The following STIM1 variants were observed in gnomAD, a reference collection of about 807,000 sequenced individuals.
The protein encoded by STIM1 is stromal interaction molecule 1.
STIM1 carries 25 observed loss-of-function variants against 74.7 expected under a neutral mutation model. That is an observed-to-expected ratio of 0.33 (90% CI 0.24 to 0.47). The LOEUF (loss-of-function observed/expected upper bound fraction) is 0.47. STIM1 is among the 20% of genes least tolerant of loss of function. The pLI, the probability that STIM1 is intolerant of heterozygous loss-of-function variation, is 1.00. For synonymous variants in STIM1, 328 were observed against 348.8 expected, an observed-to-expected ratio of 0.94 and a Z score of 0.66; for missense variants, 728 against 920.8, an observed-to-expected ratio of 0.79 and a Z score of 2.71.
At chr11:4,066,356 T>A (rs968333667) in intron 5 of STIM1, among the ~76,000 whole-genome samples, 1 of 152,212 alleles carries the variant, frequency 6.6e-6, no homozygotes, top group Non-Finnish European at 1.5e-5. Flanking sequence ...GCATTTGCCC[T>A]CTATATGCAC....
intron 1 of STIM1, among the ~76,000 whole-genome samples, chr11:3,957,847 G>A (rs1208493714): frequency 1.3e-5 from 2 of 151,980 alleles, no homozygotes; most frequent in Non-Finnish European, 2.9e-5. Context: ...TTACAGGCAT[G>A]AGCCATCAAG....
intron 1 of STIM1, among the ~76,000 whole-genome samples, chr11:3,964,191 C>T: frequency 6.6e-6 from 1 of 152,160 alleles, no homozygotes; most frequent in East Asian, 1.9e-4. Flanking sequence ...CAGGCTTTTT[C>T]ACTGTAGTTA....
At chr11:3,878,192 A>G (rs1472489935) in intron 1 of STIM1, among the ~76,000 whole-genome samples, 1 of 151,992 alleles carries the variant, frequency 6.6e-6, no homozygotes, top group African/African-American at 2.4e-5. Context: ...TGGTCTGGGG[A>G]GAAGGGAAAG....
intron 1 of STIM1, among the ~76,000 whole-genome samples, chr11:3,942,054 A>G (rs2093017304): frequency 1.3e-5 from 2 of 152,210 alleles, no homozygotes; most frequent in Non-Finnish European, 2.9e-5. Flanking sequence ...AAAAATGTTC[A>G]AATAAAAATA....
intron 2 of STIM1, among the ~76,000 whole-genome samples, chr11:3,994,013 G>T (rs1469956593): frequency 6.6e-6 from 1 of 152,178 alleles, no homozygotes; most frequent in Non-Finnish European, 1.5e-5. Context: ...ATCTGGGGGG[G>T]TCACTTAAAG....
chr11:4,053,360 A>G (rs1413242543), intron 3 of STIM1, among the ~76,000 whole-genome samples: 1 of 152,246 alleles, frequency 6.6e-6, no homozygotes, highest in Non-Finnish European at 1.5e-5. Context: ...GATTGGATTA[A>G]GAAGATGTGG....
At chr11:4,066,269 A>C (rs966533706) in intron 5 of STIM1, among the ~76,000 whole-genome samples, 1 of 152,152 alleles carries the variant, frequency 6.6e-6, no homozygotes, top group African/African-American at 2.4e-5. Flanking sequence ...ACTGAGTGCA[A>C]GGTAGATTCT....
intron 1 of STIM1, among the ~76,000 whole-genome samples, chr11:3,951,502 T>G (rs2093147925): frequency 6.6e-6 from 1 of 152,192 alleles, no homozygotes; most frequent in South Asian, 2.1e-4. Context: ...TCTGTCCTCT[T>G]GTTACTATGG....
chr11:3,923,567 C>T (rs1469744352), intron 1 of STIM1, among the ~76,000 whole-genome samples: 1 of 151,080 alleles, frequency 6.6e-6, no homozygotes, highest in African/African-American at 2.4e-5. Flanking sequence ...TGAGATCGTG[C>T]CACTGTACTC....
At chr11:3,863,447 G>A (rs1259693755) in intron 1 of STIM1, among the ~76,000 whole-genome samples, 1 of 150,980 alleles carries the variant, frequency 6.6e-6, no homozygotes, top group Non-Finnish European at 1.5e-5. Flanking sequence ...TTGAAGAGAC[G>A]AGGTTTTTCC....
At chr11:4,022,335 C>CAAAAAA (rs60560723) in intron 2 of STIM1, among the ~76,000 whole-genome samples, 1 of 105,030 alleles carries the variant, frequency 9.5e-6, no homozygotes, top group Non-Finnish European at 1.9e-5. Flanking sequence ...GAACCTGTCT[C>CAAAAAA]AAAAAAAAAA....
At chr11:3,934,168 G>A (rs2092905659) in intron 1 of STIM1, among the ~76,000 whole-genome samples, 1 of 152,154 alleles carries the variant, frequency 6.6e-6, no homozygotes, top group African/African-American at 2.4e-5. Flanking sequence ...CCAGGGAATG[G>A]TGGAAGAGGA....
intron 2 of STIM1, among the ~76,000 whole-genome samples, chr11:3,997,079 T>G (rs1024965556): frequency 1.8e-4 from 28 of 152,252 alleles, no homozygotes; most frequent in Admixed American, 4.6e-4. Flanking sequence ...TGTTAGAGTT[T>G]CTCTGTCTTT....
chr11:4,046,996 C>T (rs1363019776), intron 3 of STIM1, among the ~76,000 whole-genome samples: 1 of 152,148 alleles, frequency 6.6e-6, no homozygotes, highest in Non-Finnish European at 1.5e-5. Context: ...TACTTATCCA[C>T]GTGAGCTGTA....
At chr11:3,897,931 T>A (rs1411042404) in intron 1 of STIM1, among the ~76,000 whole-genome samples, 1 of 152,182 alleles carries the variant, frequency 6.6e-6, no homozygotes, top group South Asian at 2.1e-4. Context: ...ACATTTGGGT[T>A]GGTTCCAAGT....
At chr11:3,901,377 G>A (rs1369424768) in intron 1 of STIM1, among the ~76,000 whole-genome samples, 1 of 152,110 alleles carries the variant, frequency 6.6e-6, no homozygotes, top group Non-Finnish European at 1.5e-5. Flanking sequence ...ACCACCTATT[G>A]ACATTTTGTT....
intron 2 of STIM1, among the ~76,000 whole-genome samples, chr11:4,017,281 C>G (rs1473642070): frequency 6.6e-6 from 1 of 152,142 alleles, no homozygotes; most frequent in African/African-American, 2.4e-5. Flanking sequence ...CTAAAGAGGT[C>G]CCATTCAGCA....
intron 1 of STIM1, among the ~76,000 whole-genome samples, chr11:3,954,446 C>T (rs2093186796): frequency 6.6e-6 from 1 of 152,166 alleles, no homozygotes; most frequent in South Asian, 2.1e-4. Flanking sequence ...GCAAGACAGC[C>T]ATGGTTCCTG....
intron 7 of STIM1, among the ~76,000 whole-genome samples, chr11:4,075,631 A>G (rs1436972223): frequency 6.6e-6 from 1 of 152,102 alleles, no homozygotes; most frequent in Non-Finnish European, 1.5e-5. Flanking sequence ...TCTTCTGTTG[A>G]TAAACATTTG....
Sources: allele counts gnomAD v4.1 joint callset (sites outside exome capture counted in the v4.1 genomes callset), GRCh38; gene constraint gnomAD v4.1.1; transcripts MANE v1.5; gene names NCBI Gene and HGNC (gene_info 2026-07-23, HGNC 2026-07-21).